STRA6: variants seen among roughly 807,000 people sequenced by gnomAD.
The protein encoded by STRA6 is receptor for retinol uptake STRA6.
Under a neutral mutation model 83.6 loss-of-function variants are expected in STRA6, and 48 were observed. That is an observed-to-expected ratio of 0.57 (90% CI 0.46 to 0.73). The LOEUF (loss-of-function observed/expected upper bound fraction) is 0.73. Among genes scored for constraint, STRA6 ranks in the 30% least tolerant of loss-of-function variants. The pLI, the probability that STRA6 is intolerant of heterozygous loss-of-function variation, is 0.00. For missense variants in STRA6, 760 were observed against 838.8 expected, an observed-to-expected ratio of 0.91 and a Z score of 1.16; for synonymous variants, 353 against 362.3, an observed-to-expected ratio of 0.97 and a Z score of 0.29.
chr15:74,195,721 G>A (rs1456457289), intron 5 of STRA6, 46 bp from the exon 6 acceptor site: 1 of 1,037,364 alleles, frequency 9.6e-7, no homozygotes. Flanking sequence ...GGCAAAATGA[G>A]AAGGTGGATA....
In STRA6 at chr15:74,189,270, AG is replaced by A; in HGVS notation, c.934del (p.Leu312CysfsTer14). ...GGGTACCACGCCCACCAGCAGCAGC[AG>A]GGCCACCTGGAAGAGCCCCACAGTG... ...LTGTAIYQVA[L>X]LLLVGVVPTI... On this transcript the variant is annotated frameshift_variant, in exon 12 of 19. Transcript: ENST00000395105. LOFTEE classifies it high-confidence loss of function. 1 of 1,596,204 alleles carries A rather than the reference AG, an allele frequency of 6.3e-7. No homozygotes were observed. The highest frequency in any genetic ancestry group is 8.5e-7 in the Non-Finnish European group (1 of 1,171,452).
intron 14 of STRA6, 75 bp downstream of exon 14, chr15:74,183,781 C>T: frequency 1.9e-6 from 3 of 1,610,646 alleles, no homozygotes; most frequent in Non-Finnish European, 2.5e-6. Context: ...GCTGAGCACT[C>T]TTCTCCCCAA....
At chr15:74,211,369 C>T (rs2074366260), upstream of STRA6, among the ~76,000 whole-genome samples, 1 of 148,116 alleles carries the variant, frequency 6.8e-6, no homozygotes, top group Admixed American at 6.7e-5. Context: ...ACTGCTGGGT[C>T]TCTCTGTCAA....
chr15:74,198,271 AT>A (rs199524892), intron 2 of STRA6, among the ~76,000 whole-genome samples: 2 of 149,864 alleles, frequency 1.3e-5, no homozygotes, highest in Admixed American at 6.7e-5. Flanking sequence ...CATGCCTGGC[AT>A]TTTTTTTTCT....
At chr15:74,200,276 G>A (rs1485671043) in intron 2 of STRA6, among the ~76,000 whole-genome samples, 2 of 152,178 alleles carry the variant, frequency 1.3e-5, no homozygotes, top group Non-Finnish European at 2.9e-5. Context: ...AAGGGGAGAG[G>A]CAGCTCCAGG....
chr15:74,197,851 C>T (rs943211050), intron 2 of STRA6, 33 bp from the exon 3 acceptor site: 52 of 1,608,792 alleles, frequency 3.2e-5, no homozygotes, highest in Non-Finnish European at 4.2e-5. Flanking sequence ...CTCAGGCCTG[C>T]GTCAGGCCCC....
At chr15:74,195,134 A>C in intron 7 of STRA6, 168 bp downstream of exon 7, 1 of 1,503,240 alleles carries the variant, frequency 6.7e-7, no homozygotes, top group Non-Finnish European at 8.9e-7. Context: ...CCTCTCCTGC[A>C]GAGCAGCCAA....
intron 2 of STRA6, among the ~76,000 whole-genome samples, chr15:74,201,406 C>T (rs1054378031): frequency 6.6e-6 from 1 of 152,112 alleles, no homozygotes; most frequent in Non-Finnish European, 1.5e-5. Context: ...GGCTCTGGGT[C>T]CTACACAGGC....
At chr15:74,183,605 G>C (rs1210537518) in intron 14 of STRA6, 4 of 1,353,626 alleles carry the variant, frequency 3.0e-6, no homozygotes, top group Non-Finnish European at 3.8e-6. Flanking sequence ...GTGAATACTT[G>C]GTGGCACCCA....
chr15:74,209,679 C>T (rs1009653188), upstream of STRA6: 31 of 527,984 alleles, frequency 5.9e-5, no homozygotes, highest in African/African-American at 4.6e-4. Flanking sequence ...GCTGGACAGT[C>T]GGCTGCATCC....
chr15:74,202,767 A>T lies in STRA6; in HGVS notation c.-70T>A, dbSNP rs1422389814. The T allele has an allele frequency of 2.5e-6, 3 of 1,189,446 alleles. No individual in the cohort carries two copies. The African/African-American group carries it at 4.7e-5, about 19-fold the overall frequency. 73.7% of individuals were successfully genotyped at this position (1,189,446 alleles called of 1,614,324 possible). A position where few individuals can be genotyped will look rare whatever the true frequency, so the allele number is the denominator to read the frequency against. ...GCAGAGATGAAAGGGTAGGCAGCCC[A>T]CGGCCAGCTCCGCACTGCCTGCCTG... On this transcript the variant is annotated 5_prime_UTR_variant, in exon 1 of 19. Coordinates refer to ENST00000395105, the MANE Select transcript of STRA6 (RefSeq NM_022369.4).
chr15:74,205,487 G>A (rs377765403), upstream of STRA6, among the ~76,000 whole-genome samples: 180 of 152,282 alleles, frequency 1.2e-3, 1 homozygote, highest in African/African-American at 3.5e-3. Flanking sequence ...CTGATAGAGC[G>A]AGAACTCACT....
At chr15:74,194,377 C>T in intron 7 of STRA6, 1 of 1,062,794 alleles carries the variant, frequency 9.4e-7, no homozygotes, top group Non-Finnish European at 1.1e-6. Context: ...TTTGTATACT[C>T]ATTCATTTAT....
In STRA6 at chr15:74,182,267, C is replaced by T; in HGVS notation, c.1419-5G>A. 1 of 1,614,110 alleles carries T rather than the reference C, an allele frequency of 6.2e-7. No individual in the cohort carries two copies. Among genetic ancestry groups the T allele is most frequent in the Non-Finnish European group, 8.5e-7 (1 of 1,179,980 alleles). On this transcript the variant is annotated splice_polypyrimidine_tract_variant and splice_region_variant and intron_variant, in intron 15 of 18. Transcript: ENST00000395105. ...GCCAAAGTCAGCCAGAAGGGCCTGC[C>T]AGTGGGGTGGGGAGGTGGTCGCTGT...
upstream of STRA6, among the ~76,000 whole-genome samples, chr15:74,204,938 A>AAAG (rs1175115959): frequency 2.9e-5 from 4 of 135,742 alleles, no homozygotes; most frequent in African/African-American, 1.0e-4. Flanking sequence ...CCATCTCAAA[A>AAAG]AAAAAGAAAG....
At position 74,183,933 on chromosome 15, in the gene STRA6, C is replaced by CTCT; in HGVS notation, c.1222_1223insAGA (p.His407_Arg408insGln). The CTCT allele has an allele frequency of 6.2e-7, 1 of 1,613,842 alleles. No homozygotes were observed. Among genetic ancestry groups the CTCT allele is most frequent in the Non-Finnish European group, 8.5e-7 (1 of 1,180,030 alleles). On this transcript the variant is annotated inframe_insertion, in exon 14 of 19. Coordinates refer to ENST00000395105, the MANE Select transcript of STRA6 (RefSeq NM_022369.4). Reference sequence around the variant, plus strand: ...GGCTTGGCGGGAGGGATGGGGACTCCGATGCAAGGGACTCAAGTCCAGGGC... The same window carrying CTCT: ...GGCTTGGCGGGAGGGATGGGGACTCCTCTGATGCAAGGGACTCAAGTCCAGGGC...
At chr15:74,203,861 G>A (rs200107312), upstream of STRA6, among the ~76,000 whole-genome samples, 2 of 152,160 alleles carry the variant, frequency 1.3e-5, no homozygotes, top group East Asian at 1.9e-4. Flanking sequence ...GTGATCTGAA[G>A]GGCAGGGGAA....
chr15:74,194,789 T>C (rs933624727), intron 7 of STRA6: 1 of 1,278,318 alleles, frequency 7.8e-7, no homozygotes, highest in Admixed American at 3.7e-5. Flanking sequence ...ACTCAGGTTG[T>C]CTGGCTCTAA....
intron 12 of STRA6, among the ~76,000 whole-genome samples, chr15:74,186,825 C>G (rs1396969597): frequency 6.6e-6 from 1 of 152,164 alleles, no homozygotes; most frequent in Non-Finnish European, 1.5e-5. Flanking sequence ...CTGGGCCCCA[C>G]TCTGAGAGTT....
Sources: allele counts gnomAD v4.1 joint callset (sites outside exome capture counted in the v4.1 genomes callset), GRCh38; gene constraint gnomAD v4.1.1; transcripts MANE v1.5; gene names NCBI Gene and HGNC (gene_info 2026-07-23, HGNC 2026-07-21).